TMC1: variants seen among roughly 807,000 people sequenced by gnomAD.
TMC1 encodes the protein transmembrane channel like 1.
In TMC1, 84 loss-of-function variants were observed where a neutral mutation model predicts 105.8. The observed-to-expected ratio is 0.79, with a 90% confidence interval of 0.67 to 0.95. The LOEUF is 0.95. Among genes scored for constraint, TMC1 ranks in the 40% least tolerant of loss-of-function variants. The pLI, the probability that TMC1 is intolerant of heterozygous loss-of-function variation, is 0.00. For synonymous variants in TMC1, 315 were observed against 311.5 expected (o/e 1.01, Z -0.12); for missense variants, 817 against 914.1 (o/e 0.89, Z 1.37).
chr9:72,670,326 GT>G (rs1387469987), intron 5 of TMC1, among the ~76,000 whole-genome samples: 1 of 152,124 alleles, frequency 6.6e-6, no homozygotes, highest in Non-Finnish European at 1.5e-5. Flanking sequence ...TGCTTCAGCA[GT>G]GAGAAAAAAT....
At chr9:72,739,457 G>A (rs1379823974) in intron 8 of TMC1, among the ~76,000 whole-genome samples, 1 of 152,184 alleles carries the variant, frequency 6.6e-6, no homozygotes, top group East Asian at 1.9e-4. Flanking sequence ...ATGAATTAAT[G>A]TTTTTTATTA....
intron 2 of TMC1, among the ~76,000 whole-genome samples, chr9:72,605,732 C>T (rs1440323366): frequency 9.2e-5 from 14 of 151,928 alleles, no homozygotes; most frequent in Admixed American, 5.9e-4. Context: ...TACACCACCA[C>T]GCCTGGCTAA....
At chr9:72,571,180 G>A (rs55967420) in intron 1 of TMC1, among the ~76,000 whole-genome samples, 1 of 150,486 alleles carries the variant, frequency 6.6e-6, no homozygotes. Context: ...AAAATTAGCC[G>A]GGCATGGTGG....
At chr9:72,756,965 G>C (rs765458007) in intron 12 of TMC1, among the ~76,000 whole-genome samples, 11 of 152,152 alleles carry the variant, frequency 7.2e-5, no homozygotes, top group Non-Finnish European at 1.0e-4. Context: ...TCCCAAGATT[G>C]TATCACTGCC....
chr9:72,804,529 A>G (rs1025941497), intron 17 of TMC1, among the ~76,000 whole-genome samples: 1 of 152,198 alleles, frequency 6.6e-6, no homozygotes, highest in Non-Finnish European at 1.5e-5. Context: ...GTTTTATTTA[A>G]TTAGTCTCCC....
intron 20 of TMC1, among the ~76,000 whole-genome samples, chr9:72,825,933 G>T (rs1828945549): frequency 6.6e-6 from 1 of 151,922 alleles, no homozygotes; most frequent in South Asian, 2.1e-4. Context: ...AGATAGTATT[G>T]GTTAGACCAG....
chr9:72,563,280 G>A (rs1315634564), intron 1 of TMC1, among the ~76,000 whole-genome samples: 1 of 152,112 alleles, frequency 6.6e-6, no homozygotes, highest in Non-Finnish European at 1.5e-5. Context: ...CCATATTTAG[G>A]CAATAGGGAG....
At chr9:72,545,416 C>A (rs182061828) in intron 1 of TMC1, among the ~76,000 whole-genome samples, 174 of 152,050 alleles carry the variant, frequency 1.1e-3, no homozygotes, top group African/African-American at 4.0e-3. Flanking sequence ...TTAACTTTGG[C>A]AAACTGGTCA....
chr9:72,535,252 T>C (rs1291156946), intron 1 of TMC1, among the ~76,000 whole-genome samples: 1 of 152,206 alleles, frequency 6.6e-6, no homozygotes, highest in Non-Finnish European at 1.5e-5. Context: ...CCCGATGTCT[T>C]CTAAACTATT....
At chr9:72,772,348 G>A (rs1827941059) in intron 12 of TMC1, 65 bp from the exon 13 acceptor site, 2 of 1,602,928 alleles carry the variant, frequency 1.2e-6, no homozygotes, top group African/African-American at 2.7e-5. Flanking sequence ...TCTCTTAAGA[G>A]TTGATCTTTT....
chr9:72,709,981 G>A (rs1386159196), intron 8 of TMC1, among the ~76,000 whole-genome samples: 2 of 152,082 alleles, frequency 1.3e-5, no homozygotes, highest in African/African-American at 4.8e-5. Context: ...ACTTTTTGGT[G>A]TAGGCATTTA....
rs58657161 is a variant in TMC1, at chr9:72,617,908, GGTGTGTGTGTGT to G, written c.-196+1462_-196+1473del. Among the ~76,000 whole-genome samples, 639 of 144,410 alleles carry G rather than the reference GGTGTGTGTGTGT, an allele frequency of 4.4e-3. 3 individuals carry two copies. Among genetic ancestry groups the G allele is most frequent in the African/African-American group, 0.013 (513 of 39,046 alleles). 94.7% of individuals were successfully genotyped at this position (144,410 alleles called of 152,430 possible). On this transcript the variant is annotated intron_variant, in intron 3 of 23. Transcript: ENST00000297784. ...CCATTTACCCAAGAAGTCTATGTGT[GGTGTGTGTGTGT>G]GTGTGTGTGTGTGTGTGTGTGTGTG...
intron 1 of TMC1, among the ~76,000 whole-genome samples, chr9:72,538,420 T>C (rs1587944410): frequency 6.6e-6 from 1 of 151,654 alleles, no homozygotes; most frequent in Non-Finnish European, 1.5e-5. Context: ...TTGTATTGTA[T>C]TGTATTGTAT....
Position 72,792,040 on chromosome 9 carries a change from C to T in TMC1, c.1379C>T (p.Ala460Val). Reference protein sequence around the residue: ...LLGNLYVFILALMDEINNKIE... With the variant: ...LLGNLYVFILVLMDEINNKIE... Reference sequence around the variant, plus strand: ...GGCAATTTATACGTATTTATTCTTGCATTAATGGATGAGATTAACAACAAG... The same window carrying T: ...GGCAATTTATACGTATTTATTCTTGTATTAATGGATGAGATTAACAACAAG... The change falls in exon 16 of 24, where the codon GCA becomes GTA. Residue 460 changes from alanine to valine, a missense_variant. Coordinates refer to ENST00000297784, the MANE Select transcript of TMC1 (RefSeq NM_138691.3). 1 of 1,614,098 alleles carries T rather than the reference C, an allele frequency of 6.2e-7. No individual in the cohort carries two copies. Among genetic ancestry groups the T allele is most frequent in the Non-Finnish European group, 8.5e-7 (1 of 1,179,984 alleles).
chr9:72,555,466 C>A (rs141588135), intron 1 of TMC1, among the ~76,000 whole-genome samples: 1 of 152,112 alleles, frequency 6.6e-6, no homozygotes. Context: ...GGATTACAGG[C>A]GTGAGATACT....
In TMC1 at chr9:72,686,037, CT is replaced by C. The variant is rs566134159; in HGVS notation, c.17-2667del. 4.1e-3 allele frequency among the ~76,000 whole-genome samples: 623 copies of C among 152,284 alleles called. 6 individuals carry two copies. The highest frequency in any genetic ancestry group is 5.3e-3 in the Non-Finnish European group (361 of 68,008). The stretch of plus-strand genomic sequence containing the variant: ...GAAATGTGACATTTTGCTGTTGTTT[CT>C]TTTTACTGTTTTTAATTACTGAGTC... On this transcript the variant is annotated intron_variant, in intron 5 of 23. Coordinates refer to ENST00000297784, the MANE Select transcript of TMC1 (RefSeq NM_138691.3).
chr9:72,630,932 G>A (rs1434321472), intron 4 of TMC1, among the ~76,000 whole-genome samples: 2 of 150,642 alleles, frequency 1.3e-5, no homozygotes, highest in African/African-American at 4.9e-5. Context: ...GCAGTGGAAC[G>A]ATCTTGGCTT....
chr9:72,719,862 A>G (rs1359299712), intron 8 of TMC1, among the ~76,000 whole-genome samples: 1 of 152,210 alleles, frequency 6.6e-6, no homozygotes, highest in Admixed American at 6.5e-5. Context: ...CAATTAATGC[A>G]TCTAGATTTT....
intron 1 of TMC1, among the ~76,000 whole-genome samples, chr9:72,565,026 T>C (rs1824122762): frequency 6.6e-6 from 1 of 152,194 alleles, no homozygotes; most frequent in South Asian, 2.1e-4. Flanking sequence ...ACTCAACCTA[T>C]GTTAACCATC....
Sources: gnomAD v4.1 joint callset for allele counts (sites outside exome capture counted in the v4.1 genomes callset) on GRCh38, gnomAD v4.1.1 for gene constraint, MANE v1.5 for transcripts, NCBI Gene and HGNC (gene_info 2026-07-23, HGNC 2026-07-21) for gene names.